SELENOI: variants seen among roughly 807,000 people sequenced by gnomAD.
SELENOI encodes the protein selenoprotein I.
SELENOI carries 24 observed loss-of-function variants against 50.7 expected under a neutral mutation model. The observed-to-expected ratio is 0.47, with a 90% CI of 0.34 to 0.67. The LOEUF (loss-of-function observed/expected upper bound fraction) is 0.67. Ranked by LOEUF, SELENOI falls within the 30% of genes least tolerant of loss-of-function variation. SELENOI has a pLI of 0.01. For synonymous variants in SELENOI, 155 were observed against 170.2 expected, an observed-to-expected ratio of 0.91 and a Z score of 0.70; for missense variants, 352 against 461.4, an observed-to-expected ratio of 0.76 and a Z score of 2.17.
chr2:26,360,973 G>A (rs1321116291), intron 1 of SELENOI, among the ~76,000 whole-genome samples: 1 of 152,146 alleles, frequency 6.6e-6, no homozygotes, highest in African/African-American at 2.4e-5. Context: ...CCAGCACTTT[G>A]GGAGGCCAAG....
At chr2:26,357,887 G>A (rs774402370) in intron 1 of SELENOI, among the ~76,000 whole-genome samples, 2 of 152,122 alleles carry the variant, frequency 1.3e-5, no homozygotes, top group East Asian at 3.9e-4. Flanking sequence ...GGACCCATTC[G>A]GAGAAATTGA....
rs565420347 is a variant in SELENOI at position 26,379,279 on chromosome 2, A to T, written c.683-4020A>T. Among the ~76,000 whole-genome samples, 21 of 152,328 alleles carry T rather than the reference A, an allele frequency of 1.4e-4. No homozygotes were observed. In the South Asian group the frequency reaches 4.1e-3, roughly 30 times the overall value. On this transcript the variant is annotated intron_variant, in intron 6 of 9. Transcript: ENST00000260585. ...CTGTCTCTAAAATAAATAACTAATT[A>T]AAAAATTTCTTTTAATCTACGTAGC...
intron 6 of SELENOI, among the ~76,000 whole-genome samples, chr2:26,375,487 GT>G (rs1677547863): frequency 6.6e-6 from 1 of 152,156 alleles, no homozygotes; most frequent in South Asian, 2.1e-4. Context: ...AAAATTACTA[GT>G]TTGTATGAAA....
At chr2:26,383,973 G>A (rs1677784986) in intron 7 of SELENOI, among the ~76,000 whole-genome samples, 1 of 152,176 alleles carries the variant, frequency 6.6e-6, no homozygotes, top group South Asian at 2.1e-4. Context: ...CCCTTATATA[G>A]AAGTTCCTGT....
intron 1 of SELENOI, 169 bp downstream of exon 1, chr2:26,346,458 G>T (rs879539074): frequency 2.7e-5 from 22 of 804,508 alleles, no homozygotes; most frequent in Non-Finnish European, 3.7e-5. Flanking sequence ...CGGGGAGCGT[G>T]GGAGCATCCT....
intron 5 of SELENOI, 66 bp from the exon 6 acceptor site, chr2:26,374,974 C>A: frequency 9.3e-7 from 1 of 1,074,682 alleles, no homozygotes; most frequent in Non-Finnish European, 1.4e-6. Flanking sequence ...CTGCATAAAG[C>A]ATGGTGACTC....
chr2:26,356,203 G>C (rs1444073853), intron 1 of SELENOI, among the ~76,000 whole-genome samples: 2 of 152,108 alleles, frequency 1.3e-5, no homozygotes, highest in Admixed American at 1.3e-4. Context: ...CTGTTGCCCA[G>C]GCTGAAGTAC....
chr2:26,364,971 C>G (rs1677257484), intron 3 of SELENOI, 31 bp downstream of exon 3: 2 of 1,447,598 alleles, frequency 1.4e-6, no homozygotes, highest in African/African-American at 2.9e-5. Flanking sequence ...TAAAATTTAA[C>G]TGAGTAGAAA....
At chr2:26,359,334 A>G (rs1677127738) in intron 1 of SELENOI, among the ~76,000 whole-genome samples, 1 of 152,160 alleles carries the variant, frequency 6.6e-6, no homozygotes, top group African/African-American at 2.4e-5. Context: ...CAAATATTTG[A>G]AAGACTGTAG....
At position 26,370,744 on chromosome 2, in the gene SELENOI, A is replaced by AC. The variant is rs1320495263; in HGVS notation, c.311-2616dup. 1.4e-3 allele frequency among the ~76,000 whole-genome samples: 154 copies of AC among 108,588 alleles called. 1 individual carries two copies. Among genetic ancestry groups the AC allele is most frequent in the African/African-American group, 5.0e-3 (138 of 27,422 alleles). The allele number at this position is 108,588 out of a possible 152,430, so 71.2% of individuals were successfully genotyped here. On this transcript the variant is annotated intron_variant, in intron 4 of 9. Transcript: ENST00000260585. ...GGGCGGCTGGCCGGGCGGGGGGCTGACCCCCCCACCTCCCTCCCGGACGGG... is the reference window on the plus strand; with the variant it reads ...GGGCGGCTGGCCGGGCGGGGGGCTGACCCCCCCCACCTCCCTCCCGGACGGG...
chr2:26,363,952 G>C (rs1339079310), intron 1 of SELENOI, among the ~76,000 whole-genome samples: 6 of 152,104 alleles, frequency 3.9e-5, no homozygotes, highest in African/African-American at 1.4e-4. Flanking sequence ...ACGTTGGCCA[G>C]GCTGATCTTG....
intron 1 of SELENOI, among the ~76,000 whole-genome samples, chr2:26,356,864 C>T (rs936881223): frequency 2.0e-5 from 3 of 152,104 alleles, no homozygotes; most frequent in Non-Finnish European, 2.9e-5. Flanking sequence ...GGCCTTCCTT[C>T]AGCATTTCTG....
intron 1 of SELENOI, among the ~76,000 whole-genome samples, chr2:26,353,091 G>A (rs936296286): frequency 6.6e-6 from 1 of 152,108 alleles, no homozygotes; most frequent in African/African-American, 2.4e-5. Flanking sequence ...TGGTGTAGAG[G>A]GCCACATAAA....
intron 4 of SELENOI, among the ~76,000 whole-genome samples, chr2:26,370,148 CAT>C (rs1431489745): frequency 6.6e-6 from 1 of 151,530 alleles, no homozygotes; most frequent in Non-Finnish European, 1.5e-5. Flanking sequence ...GGACACAGCA[CAT>C]GTTTCAGAGA....
At position 26,395,139 on chromosome 2, in the gene SELENOI, A is replaced by T. The variant is rs1678061818; in HGVS notation, c.*6036A>T. The T allele has an allele frequency of 6.6e-6, 1 of 152,200 alleles. No homozygotes were observed. The highest frequency in any genetic ancestry group is 2.4e-5 in the African/African-American group (1 of 41,460). 9.4% of individuals were successfully genotyped at this position (152,200 alleles called of 1,614,324 possible). On this transcript the variant is annotated 3_prime_UTR_variant, in exon 10 of 10. Transcript: ENST00000260585. The stretch of plus-strand genomic sequence containing the variant: ...ATCTGGTTGTGTGTGATGTGTGTGT[A>T]TGCCTATTTAATATGTACACATATA...
At chr2:26,363,104 C>T (rs997293587) in intron 1 of SELENOI, among the ~76,000 whole-genome samples, 1 of 152,160 alleles carries the variant, frequency 6.6e-6, no homozygotes, top group African/African-American at 2.4e-5. Context: ...TTTTGTCTTC[C>T]TGTGCGTGTT....
chr2:26,380,916 T>C (rs1392775653), intron 6 of SELENOI, among the ~76,000 whole-genome samples: 1 of 152,180 alleles, frequency 6.6e-6, no homozygotes, highest in Non-Finnish European at 1.5e-5. Flanking sequence ...TGTATGTCCT[T>C]TTCTGCATAT....
chr2:26,368,083 C>G (rs914576520), intron 4 of SELENOI, among the ~76,000 whole-genome samples: 2 of 152,208 alleles, frequency 1.3e-5, no homozygotes, highest in Admixed American at 6.5e-5. Context: ...ACCCTGACTT[C>G]AAGTTGCTTA....
At chr2:26,386,217 TTCTGAACTTAGA>T in intron 8 of SELENOI, 125 bp from the exon 9 acceptor site, 1 of 895,232 alleles carries the variant, frequency 1.1e-6, no homozygotes, top group Non-Finnish European at 1.7e-6. Flanking sequence ...CATTGAGAAC[TTCTGAACTTAGA>T]TAATGTAAGT....
Sources: gnomAD v4.1 joint callset for allele counts (sites outside exome capture counted in the v4.1 genomes callset) on GRCh38, gnomAD v4.1.1 for gene constraint, MANE v1.5 for transcripts, NCBI Gene and HGNC (gene_info 2026-07-23, HGNC 2026-07-21) for gene names.